The following PAWR variants were observed in gnomAD, a reference collection of about 807,000 sequenced individuals.
The protein encoded by PAWR is PRKC apoptosis WT1 regulator protein.
A neutral mutation model predicts 32.0 loss-of-function variants in PAWR; 23 were observed. That is an observed-to-expected ratio of 0.72 (90% CI 0.52 to 1.02). The LOEUF is 1.02. Among genes scored for constraint, PAWR ranks in the 50% least tolerant of loss-of-function variants. PAWR has a pLI of 0.00. For synonymous variants in PAWR, 226 were observed against 187.1 expected (o/e 1.21, Z -1.70); for missense variants, 457 against 437.7 (o/e 1.04, Z -0.39).
chr12:79,625,768 C>A (rs1282768355), intron 2 of PAWR, among the ~76,000 whole-genome samples: 2 of 151,392 alleles, frequency 1.3e-5, no homozygotes, highest in South Asian at 4.2e-4. Flanking sequence ...TGCAGTGAGC[C>A]GAGATCACGC....
chr12:79,654,187 G>T (rs575327826), intron 2 of PAWR, among the ~76,000 whole-genome samples: 4 of 152,170 alleles, frequency 2.6e-5, no homozygotes, highest in African/African-American at 9.7e-5. Flanking sequence ...TACATCAAAT[G>T]ATTAAATTTT....
intron 3 of PAWR, among the ~76,000 whole-genome samples, chr12:79,616,546 T>C (rs1168594087): frequency 6.6e-6 from 1 of 152,190 alleles, no homozygotes; most frequent in Admixed American, 6.5e-5. Flanking sequence ...AACAGAAATG[T>C]AAAATGGAGG....
At chr12:79,656,243 T>C (rs1302618428) in intron 2 of PAWR, among the ~76,000 whole-genome samples, 1 of 152,212 alleles carries the variant, frequency 6.6e-6, no homozygotes, top group Non-Finnish European at 1.5e-5. Flanking sequence ...GATTTGTGTT[T>C]TGAAAACTAG....
At position 79,687,915 on chromosome 12, in the gene PAWR, G is replaced by T. The variant is rs1365321621; in HGVS notation, c.516+1814C>A. Among the ~76,000 whole-genome samples the T allele has an allele frequency of 5.9e-5, 9 of 152,092 alleles. No homozygotes were observed. In the East Asian group the frequency reaches 1.7e-3, roughly 29 times the overall value. On this transcript the variant is annotated intron_variant, in intron 2 of 6. Transcript: ENST00000328827. ...ACTGTTTTGTTGGGTCCTGCAGCTT[G>T]AAACGGACAGAGACATAGTTACCAC...
intron 2 of PAWR, among the ~76,000 whole-genome samples, chr12:79,662,585 G>T (rs1334312841): frequency 6.6e-6 from 1 of 152,152 alleles, no homozygotes; most frequent in Admixed American, 6.5e-5. Context: ...AGCTGACCTA[G>T]AATTCAGTTC....
chr12:79,683,035 G>T (rs1467622710), intron 2 of PAWR, among the ~76,000 whole-genome samples: 1 of 152,098 alleles, frequency 6.6e-6, no homozygotes, highest in Non-Finnish European at 1.5e-5. Context: ...TTCTAATTAC[G>T]CATTAACTAT....
At chr12:79,677,156 TA>T (rs200004194) in intron 2 of PAWR, among the ~76,000 whole-genome samples, 2,945 of 152,246 alleles carry the variant, frequency 0.019, 41 homozygotes, top group Non-Finnish European at 0.026. Flanking sequence ...ACTAACAAGG[TA>T]GTAAATGTAT....
chr12:79,684,941 A>C lies in PAWR; in HGVS notation c.516+4788T>G, dbSNP rs538071615. Among the ~76,000 whole-genome samples the C allele has an allele frequency of 1.5e-4, 23 of 152,336 alleles. 1 individual carries two copies. The highest frequency in any genetic ancestry group is 3.4e-3 in the Middle Eastern group (1 of 294). On this transcript the variant is annotated intron_variant, in intron 2 of 6. Transcript: ENST00000328827. ...CTATCTCTAATCTACTTCTCACTAC[A>C]TGTATGACCTGAAGCAAGTAACATA...
intron 2 of PAWR, among the ~76,000 whole-genome samples, chr12:79,639,898 TTCC>T (rs1485869108): frequency 7.9e-6 from 1 of 126,826 alleles, no homozygotes. Flanking sequence ...TTCCATTCCA[TTCC>T]ATTCCATTCC....
chr12:79,632,084 G>A (rs1592515592), intron 2 of PAWR: 1 of 130,442 alleles, frequency 7.7e-6, no homozygotes, highest in Non-Finnish European at 1.6e-5. Flanking sequence ...AGTGAGTCGA[G>A]ATCATGCCAT....
chr12:79,599,066 A>T (rs947398091), intron 4 of PAWR, among the ~76,000 whole-genome samples: 1 of 152,208 alleles, frequency 6.6e-6, no homozygotes, highest in African/African-American at 2.4e-5. Context: ...TGGAAAGCTA[A>T]GATCACTTAA....
chr12:79,617,368 A>T (rs1003523621), intron 3 of PAWR, among the ~76,000 whole-genome samples: 1 of 152,140 alleles, frequency 6.6e-6, no homozygotes, highest in African/African-American at 2.4e-5. Flanking sequence ...CAACAACAAA[A>T]AAAACTTTTA....
rs1592484565 is a variant in PAWR, at chr12:79,588,966, T to C, written c.*3641A>G. 6.6e-6 allele frequency: 1 copy of C among 152,050 alleles called. No homozygotes were observed. Among genetic ancestry groups the C allele is most frequent in the Non-Finnish European group, 1.5e-5 (1 of 67,904 alleles). 9.4% of individuals were successfully genotyped at this position (152,050 alleles called of 1,614,324 possible). ...AACTGTTAGTTGTCTATTAGTATTA[T>C]GTTTTCGGCTTAATGTAACAACAAA... On this transcript the variant is annotated 3_prime_UTR_variant, in exon 7 of 7. Coordinates refer to ENST00000328827, the MANE Select transcript of PAWR (RefSeq NM_002583.4).
chr12:79,607,715 T>G (rs1874243904), intron 4 of PAWR, among the ~76,000 whole-genome samples: 1 of 132,580 alleles, frequency 7.5e-6, no homozygotes, highest in Non-Finnish European at 1.6e-5. Flanking sequence ...GGCATCGGAG[T>G]GAGACCTTGT....
intron 4 of PAWR, among the ~76,000 whole-genome samples, chr12:79,599,615 T>TA (rs1312978699): frequency 2.6e-5 from 4 of 152,252 alleles, no homozygotes; most frequent in Non-Finnish European, 5.9e-5. Context: ...AATAAATTGT[T>TA]ACTTCCTATG....
At chr12:79,657,553 A>G (rs1283818447) in intron 2 of PAWR, among the ~76,000 whole-genome samples, 1 of 152,186 alleles carries the variant, frequency 6.6e-6, no homozygotes, top group East Asian at 1.9e-4. Context: ...GCACTTTGGG[A>G]GGCTGAGGCG....
intron 4 of PAWR, chr12:79,604,279 T>A (rs930731415): frequency 2.0e-6 from 2 of 991,880 alleles, no homozygotes; most frequent in South Asian, 8.9e-5. Flanking sequence ...TGAACTATAA[T>A]GCTCAGAAAA....
chr12:79,606,258 G>C (rs951646954), intron 4 of PAWR, among the ~76,000 whole-genome samples: 3 of 152,134 alleles, frequency 2.0e-5, no homozygotes, highest in African/African-American at 7.2e-5. Context: ...GAACAATTTT[G>C]GAACTAGACA....
chr12:79,656,995 G>T (rs538155547), intron 2 of PAWR, among the ~76,000 whole-genome samples: 1 of 152,206 alleles, frequency 6.6e-6, no homozygotes, highest in Non-Finnish European at 1.5e-5. Flanking sequence ...AAACAGCAGA[G>T]ATCTCTCTGT....
Sources: gnomAD v4.1 joint callset for allele counts (sites outside exome capture counted in the v4.1 genomes callset) on GRCh38, gnomAD v4.1.1 for gene constraint, MANE v1.5 for transcripts, NCBI Gene and HGNC (gene_info 2026-07-23, HGNC 2026-07-21) for gene names.